Variants in ANKRD44 observed in about 807,000 individuals in gnomAD.
ANKRD44 encodes the protein ankyrin repeat domain 44, also known as serine/threonine-protein phosphatase 6 regulatory ankyrin repeat subunit B.
Under a neutral mutation model 116.0 loss-of-function variants are expected in ANKRD44, and 35 were observed. That is an observed-to-expected ratio of 0.30 (90% CI 0.23 to 0.40). The LOEUF (loss-of-function observed/expected upper bound fraction) is 0.40. Ranked by LOEUF, ANKRD44 falls within the 10% of genes least tolerant of loss-of-function variation. The pLI, the probability that ANKRD44 is intolerant of heterozygous loss-of-function variation, is 1.00. For missense variants in ANKRD44, 1,014 were observed against 1,242.6 expected (o/e 0.82, Z 2.77); for synonymous variants, 435 against 461.8 (o/e 0.94, Z 0.74).
intron 25 of ANKRD44, among the ~76,000 whole-genome samples, chr2:196,997,163 A>C (rs1327519691): frequency 6.6e-6 from 1 of 151,630 alleles, no homozygotes; most frequent in East Asian, 1.9e-4. Flanking sequence ...CAAAATCCAA[A>C]AAATCCTAAA....
At chr2:197,060,617 G>A (rs902379494) in intron 16 of ANKRD44, among the ~76,000 whole-genome samples, 16 of 152,138 alleles carry the variant, frequency 1.1e-4, no homozygotes, top group Non-Finnish European at 1.6e-4. Flanking sequence ...CATGCTGTAC[G>A]TTAGATCTTC....
intron 21 of ANKRD44, among the ~76,000 whole-genome samples, chr2:197,004,896 C>A (rs1045756090): frequency 2.0e-5 from 3 of 152,080 alleles, no homozygotes; most frequent in Admixed American, 2.0e-4. Context: ...TTCTGGTATA[C>A]ATATTGCTAT....
intron 1 of ANKRD44, among the ~76,000 whole-genome samples, chr2:197,237,601 C>A (rs1247102151): frequency 6.6e-6 from 1 of 152,196 alleles, no homozygotes; most frequent in Admixed American, 6.5e-5. Context: ...ACCCCATAAA[C>A]GTCTAAATGA....
chr2:197,174,585 G>A (rs2080319792), intron 2 of ANKRD44, among the ~76,000 whole-genome samples: 1 of 152,190 alleles, frequency 6.6e-6, no homozygotes, highest in Non-Finnish European at 1.5e-5. Context: ...TAAAGACAAG[G>A]ATAAAACTTC....
intron 1 of ANKRD44, among the ~76,000 whole-genome samples, chr2:197,271,938 C>T (rs1414054551): frequency 6.6e-6 from 1 of 152,092 alleles, no homozygotes; most frequent in African/African-American, 2.4e-5. Context: ...CTGCTATTGC[C>T]TGAATGTTTG....
intron 1 of ANKRD44, among the ~76,000 whole-genome samples, chr2:197,214,249 T>C (rs1422446370): frequency 6.6e-6 from 1 of 152,084 alleles, no homozygotes; most frequent in African/African-American, 2.4e-5. Flanking sequence ...CATAATAAAA[T>C]ATGGCACATC....
intron 9 of ANKRD44, among the ~76,000 whole-genome samples, chr2:197,109,211 A>C (rs972180095): frequency 2.6e-5 from 4 of 152,220 alleles, no homozygotes; most frequent in Non-Finnish European, 5.9e-5. Flanking sequence ...GGTGGACATT[A>C]TTTCTGAAAA....
At chr2:197,285,307 T>C (rs2083378284) in intron 1 of ANKRD44, among the ~76,000 whole-genome samples, 1 of 152,066 alleles carries the variant, frequency 6.6e-6, no homozygotes, top group Non-Finnish European at 1.5e-5. Context: ...CACTGGAACA[T>C]GTCTGATGCT....
At chr2:197,072,532 C>G (rs1277485813) in intron 16 of ANKRD44, among the ~76,000 whole-genome samples, 1 of 152,164 alleles carries the variant, frequency 6.6e-6, no homozygotes, top group Non-Finnish European at 1.5e-5. Context: ...AAATACCTTC[C>G]TAACAAACAG....
intron 17 of ANKRD44, among the ~76,000 whole-genome samples, chr2:197,017,093 T>C (rs2125928416): frequency 6.6e-6 from 1 of 152,322 alleles, no homozygotes; most frequent in South Asian, 2.1e-4. Flanking sequence ...CAGTATTAGA[T>C]AAGACACTGA....
chr2:197,264,740 A>G (rs886724636), intron 1 of ANKRD44, among the ~76,000 whole-genome samples: 4 of 152,218 alleles, frequency 2.6e-5, no homozygotes, highest in Non-Finnish European at 4.4e-5. Flanking sequence ...CATCATTTAT[A>G]ATATGGGAAC....
intron 17 of ANKRD44, among the ~76,000 whole-genome samples, chr2:197,014,647 C>T (rs1329986597): frequency 6.6e-6 from 1 of 151,742 alleles, no homozygotes; most frequent in Non-Finnish European, 1.5e-5. Flanking sequence ...AATTAGCAGG[C>T]ATGGTGGCGG....
chr2:197,211,827 C>A (rs2081331032), intron 1 of ANKRD44, among the ~76,000 whole-genome samples: 1 of 151,694 alleles, frequency 6.6e-6, no homozygotes, highest in African/African-American at 2.4e-5. Flanking sequence ...TAGTGGGGGG[C>A]AGCAAGCAGG....
intron 21 of ANKRD44, among the ~76,000 whole-genome samples, chr2:196,969,294 T>C (rs2075697811): frequency 6.6e-6 from 1 of 152,218 alleles, no homozygotes; most frequent in Non-Finnish European, 1.5e-5. Flanking sequence ...GAGGTTCTCA[T>C]GTGCTAATCT....
chr2:197,288,019 C>CAAAAAAAAAAAAAAA (rs10666895), intron 1 of ANKRD44, among the ~76,000 whole-genome samples: 1 of 81,792 alleles, frequency 1.2e-5, no homozygotes, highest in African/African-American at 4.9e-5. Context: ...GACTCAGTCT[C>CAAAAAAAAAAAAAAA]AAAAAAAAAA....
intron 1 of ANKRD44, among the ~76,000 whole-genome samples, chr2:197,294,508 G>C (rs1259904635): frequency 6.6e-6 from 1 of 152,008 alleles, no homozygotes; most frequent in African/African-American, 2.4e-5. Flanking sequence ...AGAGTCAGAT[G>C]CTCTTTATAA....
At chr2:196,982,108 T>TTATATATATATATATATATA (rs58816698), downstream of ANKRD44, among the ~76,000 whole-genome samples, 660 of 96,424 alleles carry the variant, frequency 6.8e-3, 14 homozygotes, top group African/African-American at 0.014. Context: ...CTAAAAAAAA[T>TTATATATATATATATATATA]TATATATATA....
intron 3 of ANKRD44, among the ~76,000 whole-genome samples, chr2:197,145,102 T>G (rs1387380955): frequency 1.3e-5 from 2 of 151,976 alleles, no homozygotes; most frequent in African/African-American, 2.4e-5. Flanking sequence ...CTATCCTGGC[T>G]AACATGGTGA....
At chr2:197,053,630 C>T (rs570297140) in intron 16 of ANKRD44, among the ~76,000 whole-genome samples, 2 of 152,178 alleles carry the variant, frequency 1.3e-5, no homozygotes, top group Non-Finnish European at 2.9e-5. Flanking sequence ...ATTACAGGTG[C>T]CCACCACCAT....
Sources: allele counts gnomAD v4.1 joint callset (sites outside exome capture counted in the v4.1 genomes callset), GRCh38; gene constraint gnomAD v4.1.1; transcripts MANE v1.5; gene names NCBI Gene and HGNC (gene_info 2026-07-23, HGNC 2026-07-21).